Variants in SHQ1 observed in about 807,000 individuals in gnomAD.
SHQ1 encodes the protein SHQ1, H/ACA ribonucleoprotein assembly factor, also known as protein SHQ1 homolog.
Under a neutral mutation model 53.8 loss-of-function variants are expected in SHQ1, and 49 were observed. That is an observed-to-expected ratio of 0.91 (90% confidence interval 0.72 to 1.16). SHQ1 has a LOEUF of 1.16. Ranked by LOEUF, SHQ1 falls within the 50% of genes most tolerant of loss-of-function variation. SHQ1 has a pLI of 0.00. For missense variants in SHQ1, 738 were observed against 683.1 expected, an observed-to-expected ratio of 1.08 and a Z score of -0.90; for synonymous variants, 243 against 251.0, an observed-to-expected ratio of 0.97 and a Z score of 0.30.
chr3:72,742,619 C>CTTTTTT, the SHQ1 span, among the ~76,000 whole-genome samples: 4 of 128,610 alleles, frequency 3.1e-5, no homozygotes, highest in Non-Finnish European at 4.8e-5. Flanking sequence ...TTCTTTTTTT[C>CTTTTTT]TTTTTTTTTT....
At chr3:72,833,122 C>G (rs1343817056) in intron 4 of SHQ1, among the ~76,000 whole-genome samples, 1 of 152,094 alleles carries the variant, frequency 6.6e-6, no homozygotes, top group Non-Finnish European at 1.5e-5. Context: ...GGATTTTGGA[C>G]CATTTCAGAT....
At chr3:72,785,784 TATA>T (rs1209908851) in intron 10 of SHQ1, among the ~76,000 whole-genome samples, 1 of 152,216 alleles carries the variant, frequency 6.6e-6, no homozygotes, top group Admixed American at 6.5e-5. Context: ...CGATTATTAT[TATA>T]CTTATAGGTA....
downstream of SHQ1, among the ~76,000 whole-genome samples, chr3:72,746,158 A>C (rs989327537): frequency 6.6e-6 from 1 of 152,162 alleles, no homozygotes; most frequent in Non-Finnish European, 1.5e-5. Context: ...TCTAAGATGA[A>C]GGGAAAGGTG....
At chr3:72,779,253 T>C (rs902992989) in intron 10 of SHQ1, among the ~76,000 whole-genome samples, 1 of 152,106 alleles carries the variant, frequency 6.6e-6, no homozygotes, top group African/African-American at 2.4e-5. Flanking sequence ...CTTGAAAACA[T>C]ATAAAATTCC....
At chr3:72,828,391 G>A (rs1214646180) in intron 5 of SHQ1, among the ~76,000 whole-genome samples, 3 of 152,046 alleles carry the variant, frequency 2.0e-5, no homozygotes. Flanking sequence ...ATGATAAAAG[G>A]AAATATATGA....
intron 9 of SHQ1, among the ~76,000 whole-genome samples, chr3:72,798,669 G>A (rs1706698962): frequency 6.6e-6 from 1 of 152,140 alleles, no homozygotes; most frequent in Non-Finnish European, 1.5e-5. Context: ...GAATCCCTTG[G>A]CTTCCTGAAA....
chr3:72,820,801 A>G (rs995876336), intron 6 of SHQ1, among the ~76,000 whole-genome samples: 2 of 152,310 alleles, frequency 1.3e-5, no homozygotes, highest in South Asian at 2.1e-4. Flanking sequence ...CTCTCAATAC[A>G]TTTGAGGAGG....
chr3:72,801,827 G>C (rs1310213763), intron 9 of SHQ1, among the ~76,000 whole-genome samples: 1 of 152,178 alleles, frequency 6.6e-6, no homozygotes, highest in East Asian at 1.9e-4. Context: ...TTTTGACTAT[G>C]AAATTAAGAT....
chr3:72,803,638 A>T (rs532990070), intron 9 of SHQ1, among the ~76,000 whole-genome samples: 1 of 152,296 alleles, frequency 6.6e-6, no homozygotes, highest in African/African-American at 2.4e-5. Flanking sequence ...TTCTCTGTAA[A>T]GAGATAGAAA....
intron 9 of SHQ1, among the ~76,000 whole-genome samples, chr3:72,811,973 G>A (rs1707137801): frequency 6.6e-6 from 1 of 152,110 alleles, no homozygotes; most frequent in Non-Finnish European, 1.5e-5. Flanking sequence ...ACATACAAAT[G>A]GATGTTGCCC....
chr3:72,790,712 CAA>C (rs952075827), intron 10 of SHQ1, among the ~76,000 whole-genome samples: 54 of 151,936 alleles, frequency 3.6e-4, no homozygotes, highest in African/African-American at 1.3e-3. Context: ...ATTAGATAAA[CAA>C]ATGTTTTATT....
At chr3:72,767,936 C>T (rs184491060) in intron 10 of SHQ1, among the ~76,000 whole-genome samples, 4 of 152,076 alleles carry the variant, frequency 2.6e-5, no homozygotes, top group Non-Finnish European at 5.9e-5. Flanking sequence ...CTGCGTGGGG[C>T]GGGAGATATA....
intron 9 of SHQ1, among the ~76,000 whole-genome samples, chr3:72,807,986 C>T (rs1451108577): frequency 1.3e-5 from 2 of 152,208 alleles, no homozygotes; most frequent in Non-Finnish European, 2.9e-5. Flanking sequence ...TACTATTCAT[C>T]AGACTTCACA....
At chr3:72,773,713 T>C (rs1444147007) in intron 10 of SHQ1, among the ~76,000 whole-genome samples, 3 of 152,032 alleles carry the variant, frequency 2.0e-5, no homozygotes, top group East Asian at 3.9e-4. Context: ...AGGGATTGTA[T>C]AGGAAGAATT....
chr3:72,811,519 C>A, intron 9 of SHQ1, among the ~76,000 whole-genome samples: 1 of 152,216 alleles, frequency 6.6e-6, no homozygotes, highest in East Asian at 1.9e-4. Context: ...AATGATAGCT[C>A]TTTCATCCTA....
At chr3:72,753,567 T>A in intron 10 of SHQ1, 26 of 985,300 alleles carry the variant, frequency 2.6e-5, no homozygotes, top group Non-Finnish European at 2.9e-5. Context: ...CACAGTGCGG[T>A]GAGTGGGACA....
rs907948666 is a variant in SHQ1, at chr3:72,817,454, C to G, written c.728-70G>C. Reference sequence around the variant, plus strand: ...GTAAAACTCCCAATGGAAGATTTGTCAAAATTAGAACTTTGATTATAGAAA... The same window carrying G: ...GTAAAACTCCCAATGGAAGATTTGTGAAAATTAGAACTTTGATTATAGAAA... On this transcript the variant is annotated intron_variant, in intron 6 of 10. Transcript: ENST00000325599. The G allele has an allele frequency of 4.3e-6, 6 of 1,396,944 alleles. No homozygotes were observed. The African/African-American group carries it at 8.7e-5, about 20-fold the overall frequency. The allele number at this position is 1,396,944 out of a possible 1,614,324, so 86.5% of individuals were successfully genotyped here. A position where few individuals can be genotyped will look rare whatever the true frequency, so the allele number is the denominator to read the frequency against.
rs192373535 is a variant in SHQ1 at position 72,749,597 on chromosome 3, T to A, written c.*687A>T. 2 of 220,776 alleles carry A rather than the reference T, an allele frequency of 9.1e-6. No homozygotes were observed. The highest frequency in any genetic ancestry group is 1.3e-4 in the East Asian group (2 of 15,118). 13.7% of individuals were successfully genotyped at this position (220,776 alleles called of 1,614,324 possible). Reference sequence around the variant, plus strand: ...CCGTTCCTCACTTCAGTTGTGGTGATAGTTTTACGCAGGGTATACATACGC... The same window carrying A: ...CCGTTCCTCACTTCAGTTGTGGTGAAAGTTTTACGCAGGGTATACATACGC... On this transcript the variant is annotated 3_prime_UTR_variant, in exon 11 of 11. Transcript: ENST00000325599.
intron 9 of SHQ1, 56 bp from the exon 10 acceptor site, chr3:72,793,092 T>C (rs1488385428): frequency 8.9e-6 from 13 of 1,464,138 alleles, no homozygotes; most frequent in Admixed American, 5.8e-5. Context: ...ATTCAGACCC[T>C]GAGAGGTAAT....
Sources: allele counts gnomAD v4.1 joint callset (sites outside exome capture counted in the v4.1 genomes callset), GRCh38; gene constraint gnomAD v4.1.1; transcripts MANE v1.5; gene names NCBI Gene and HGNC (gene_info 2026-07-23, HGNC 2026-07-21).